The following MNAT1 variants were observed in gnomAD, a reference collection of about 807,000 sequenced individuals.
The protein encoded by MNAT1 is CDK-activating kinase assembly factor MAT1.
In MNAT1, 43 loss-of-function variants were observed where a neutral mutation model predicts 42.0. That is an observed-to-expected ratio of 1.02 (90% CI 0.80 to 1.32). The LOEUF (loss-of-function observed/expected upper bound fraction) is 1.32, where lower values mean the gene tolerates loss of function less well. MNAT1 is among the 40% of genes most tolerant of loss of function. MNAT1 has a pLI of 0.00. For missense variants in MNAT1, 306 were observed against 350.4 expected, an observed-to-expected ratio of 0.87 and a Z score of 1.01; for synonymous variants, 118 against 120.0, an observed-to-expected ratio of 0.98 and a Z score of 0.11.
At chr14:60,924,200 A>G (rs1484555557) in intron 7 of MNAT1, among the ~76,000 whole-genome samples, 1 of 152,188 alleles carries the variant, frequency 6.6e-6, no homozygotes, top group Non-Finnish European at 1.5e-5. Flanking sequence ...CAGTCTTTGT[A>G]ACTGTAATGA....
At chr14:60,961,137 T>A (rs1227587450) in intron 7 of MNAT1, among the ~76,000 whole-genome samples, 1 of 152,058 alleles carries the variant, frequency 6.6e-6, no homozygotes, top group Non-Finnish European at 1.5e-5. Context: ...TGATTTTGTA[T>A]TTTTAGTAGA....
chr14:60,888,586 A>G (rs1439619888), intron 7 of MNAT1, among the ~76,000 whole-genome samples: 1 of 151,490 alleles, frequency 6.6e-6, no homozygotes, highest in Non-Finnish European at 1.5e-5. Flanking sequence ...TAGTGTTGGA[A>G]GTTCTGGCCA....
chr14:60,940,153 T>C (rs2139586826), intron 7 of MNAT1, among the ~76,000 whole-genome samples: 1 of 152,324 alleles, frequency 6.6e-6, no homozygotes, highest in East Asian at 1.9e-4. Flanking sequence ...GTTTCCTGAA[T>C]ACAGCACACT....
chr14:60,888,020 C>G (rs1450029942), intron 7 of MNAT1, among the ~76,000 whole-genome samples: 2 of 149,838 alleles, frequency 1.3e-5, no homozygotes, highest in African/African-American at 2.5e-5. Flanking sequence ...ACCAGAGGTA[C>G]AAGGAGGAAC....
intron 6 of MNAT1, among the ~76,000 whole-genome samples, chr14:60,824,424 TTAAA>T (rs1207766617): frequency 7.2e-5 from 11 of 152,204 alleles, no homozygotes; most frequent in African/African-American, 2.2e-4. Flanking sequence ...ATGTAGGTAC[TTAAA>T]TAATATCAGA....
chr14:60,799,339 A>G, intron 3 of MNAT1: 1 of 985,412 alleles, frequency 1.0e-6, no homozygotes. Flanking sequence ...GTTAGAATGT[A>G]GACTGAGAAG....
rs551725161 is a variant in MNAT1 at position 60,862,327 on chromosome 14, C to T, written c.688-17387C>T. Among the ~76,000 whole-genome samples the T allele has an allele frequency of 2.2e-4, 34 of 152,236 alleles. 1 individual carries two copies. The highest frequency in any genetic ancestry group is 2.6e-4 in the Admixed American group (4 of 15,286). ...GTAAAATAAATCTGAATATGCCATACGATTGGTGACAAATAAAAAACTCTT... is the reference window on the plus strand; with the variant it reads ...GTAAAATAAATCTGAATATGCCATATGATTGGTGACAAATAAAAAACTCTT... On this transcript the variant is annotated intron_variant, in intron 6 of 7. Coordinates refer to ENST00000261245, the MANE Select transcript of MNAT1 (RefSeq NM_002431.4).
chr14:60,833,384 T>G (rs1317560838), intron 6 of MNAT1, among the ~76,000 whole-genome samples: 1 of 152,230 alleles, frequency 6.6e-6, no homozygotes, highest in Non-Finnish European at 1.5e-5. Context: ...GTTTTTAGCA[T>G]GAAGGGGTAT....
chr14:60,902,929 T>C (rs1300968782), intron 7 of MNAT1, among the ~76,000 whole-genome samples: 2 of 152,010 alleles, frequency 1.3e-5, no homozygotes, highest in African/African-American at 2.4e-5. Context: ...TGGGTTTTTA[T>C]CTAGGAGTCA....
At chr14:60,781,605 A>C (rs1480412731) in intron 1 of MNAT1, among the ~76,000 whole-genome samples, 1 of 152,108 alleles carries the variant, frequency 6.6e-6, no homozygotes, top group Non-Finnish European at 1.5e-5. Flanking sequence ...CTGGCCTTAA[A>C]TTTTGATAAA....
At chr14:60,817,503 A>G (rs2032750989) in intron 5 of MNAT1, among the ~76,000 whole-genome samples, 1 of 151,992 alleles carries the variant, frequency 6.6e-6, no homozygotes, top group Non-Finnish European at 1.5e-5. Flanking sequence ...TGCTCTTGCA[A>G]AACACTTCTA....
chr14:60,877,161 C>CA (rs551041155), intron 6 of MNAT1, among the ~76,000 whole-genome samples: 122 of 152,144 alleles, frequency 8.0e-4, no homozygotes, highest in Non-Finnish European at 1.4e-3. Context: ...AGTGGTATCT[C>CA]ACTGTGCTTT....
chr14:60,770,032 A>G (rs1594740579), intron 1 of MNAT1, among the ~76,000 whole-genome samples: 1 of 152,180 alleles, frequency 6.6e-6, no homozygotes, highest in East Asian at 1.9e-4. Flanking sequence ...TGTGCAATGA[A>G]TCTCTAGAAC....
At chr14:60,805,345 C>T (rs930029968) in intron 3 of MNAT1, among the ~76,000 whole-genome samples, 12 of 152,048 alleles carry the variant, frequency 7.9e-5, no homozygotes, top group Non-Finnish European at 1.6e-4. Context: ...ACAGCCTCCC[C>T]CATTATTAAC....
chr14:60,962,685 G>A (rs563802870), intron 7 of MNAT1, among the ~76,000 whole-genome samples: 92 of 152,206 alleles, frequency 6.0e-4, no homozygotes, highest in East Asian at 2.1e-3. Flanking sequence ...AGTCTTCTCC[G>A]AGCAATCTAT....
chr14:60,967,753 T>A (rs2036708007), intron 7 of MNAT1, among the ~76,000 whole-genome samples: 2 of 152,222 alleles, frequency 1.3e-5, no homozygotes, highest in Non-Finnish European at 2.9e-5. Context: ...AAAGTACTTT[T>A]GAAGTAACTC....
At position 60,805,061 on chromosome 14, in the gene MNAT1, C is replaced by A. The variant is rs572795260; in HGVS notation, c.317-3264C>A. Among the ~76,000 whole-genome samples, 3 of 152,118 alleles carry A rather than the reference C, an allele frequency of 2.0e-5. No homozygotes were observed. In the South Asian group the frequency reaches 6.2e-4, roughly 32 times the overall value. Reference sequence around the variant, plus strand: ...ATTTAGTCCTGTCCTTTTGAACCTTCCTCCTTTGCCATGTTCAAATCAGTA... The same window carrying A: ...ATTTAGTCCTGTCCTTTTGAACCTTACTCCTTTGCCATGTTCAAATCAGTA... On this transcript the variant is annotated intron_variant, in intron 3 of 7. Coordinates refer to ENST00000261245, the MANE Select transcript of MNAT1 (RefSeq NM_002431.4).
chr14:60,855,064 G>A (rs2033921973), intron 6 of MNAT1, among the ~76,000 whole-genome samples: 1 of 152,156 alleles, frequency 6.6e-6, no homozygotes, highest in Non-Finnish European at 1.5e-5. Flanking sequence ...GTTTTGCTGT[G>A]CTGTGGTGAA....
At chr14:60,743,282 T>C (rs1896524254) in intron 1 of MNAT1, among the ~76,000 whole-genome samples, 1 of 150,566 alleles carries the variant, frequency 6.6e-6, no homozygotes, top group Admixed American at 6.7e-5. Flanking sequence ...CTAAAGAACA[T>C]TCTTTAGCAT....
Sources: gnomAD v4.1 joint callset for allele counts (sites outside exome capture counted in the v4.1 genomes callset) on GRCh38, gnomAD v4.1.1 for gene constraint, MANE v1.5 for transcripts, NCBI Gene and HGNC (gene_info 2026-07-23, HGNC 2026-07-21) for gene names.